Variants in KCNJ6 observed in about 807,000 individuals in gnomAD.
KCNJ6 encodes G protein-activated inward rectifier potassium channel 2.
In KCNJ6, 9 loss-of-function variants were observed where a neutral mutation model predicts 34.2. The ratio of observed to expected loss-of-function variants is 0.26; its 90% CI spans 0.16 to 0.46. The LOEUF is 0.46. Ranked by LOEUF, KCNJ6 falls within the 20% of genes least tolerant of loss-of-function variation. KCNJ6 has a pLI of 1.00. For missense variants in KCNJ6, 236 were observed against 531.3 expected (o/e 0.44, Z 5.46); for synonymous variants, 196 against 207.1 (o/e 0.95, Z 0.46).
intron 2 of KCNJ6, among the ~76,000 whole-genome samples, chr21:37,730,616 CTG>C (rs1406220618): frequency 6.6e-6 from 1 of 152,198 alleles, no homozygotes; most frequent in Non-Finnish European, 1.5e-5. Flanking sequence ...GTCCTGGAAA[CTG>C]TGGGAAATCC....
intron 3 of KCNJ6, among the ~76,000 whole-genome samples, chr21:37,659,099 A>T (rs2054476926): frequency 1.3e-5 from 2 of 152,362 alleles, no homozygotes; most frequent in East Asian, 1.9e-4. Context: ...GTTGCTAAGA[A>T]CTTACTGCAC....
At chr21:37,717,426 G>A (rs1366433312) in intron 2 of KCNJ6, among the ~76,000 whole-genome samples, 2 of 151,796 alleles carry the variant, frequency 1.3e-5, no homozygotes, top group Non-Finnish European at 2.9e-5. Flanking sequence ...CTGGAGATGG[G>A]GTGGGTGTAT....
At chr21:37,734,102 C>T (rs1385340567) in intron 2 of KCNJ6, among the ~76,000 whole-genome samples, 1 of 152,062 alleles carries the variant, frequency 6.6e-6, no homozygotes, top group Non-Finnish European at 1.5e-5. Flanking sequence ...TGTTGTGTAC[C>T]CTGAGGCTTT....
chr21:37,667,989 A>T (rs1325856702), intron 3 of KCNJ6, among the ~76,000 whole-genome samples: 6 of 151,988 alleles, frequency 3.9e-5, no homozygotes, highest in Non-Finnish European at 7.4e-5. Context: ...CCTGGGCTTT[A>T]CTCCACAATT....
intron 2 of KCNJ6, among the ~76,000 whole-genome samples, chr21:37,744,451 C>T (rs2054957063): frequency 6.6e-6 from 1 of 152,092 alleles, no homozygotes; most frequent in African/African-American, 2.4e-5. Flanking sequence ...CAGAGAAAAG[C>T]TCAGGTTAGG....
chr21:37,675,865 CGGGGGT>C lies in KCNJ6; in HGVS notation c.946+38340_946+38345del, dbSNP rs202060358. On this transcript the variant is annotated intron_variant, in intron 3 of 3. Coordinates refer to ENST00000609713, the MANE Select transcript of KCNJ6 (RefSeq NM_002240.5). The surrounding 1 kb of genome is among the most constrained non-coding windows in gnomAD (Gnocchi z 4.2). ...CCCTGACCCCAACCCATGTCAATAG[CGGGGGT>C]GGGGGTGGGGGTGGGGGTGGGGTGC... Among the ~76,000 whole-genome samples, 118 of 141,698 alleles carry C rather than the reference CGGGGGT, an allele frequency of 8.3e-4. No homozygotes were observed. The highest frequency in any genetic ancestry group is 2.0e-3 in the African/African-American group (78 of 39,882). The allele number at this position is 141,698 out of a possible 152,430, so 93.0% of individuals were successfully genotyped here.
chr21:37,632,535 AAAAC>A (rs1434104443), intron 3 of KCNJ6, among the ~76,000 whole-genome samples: 1 of 152,174 alleles, frequency 6.6e-6, no homozygotes, highest in Non-Finnish European at 1.5e-5. Context: ...AATAAAATAT[AAAAC>A]AAGTCAACCA....
At chr21:37,914,005 C>CGGGG (rs1344892661) in intron 1 of KCNJ6, among the ~76,000 whole-genome samples, 1 of 78,438 alleles carries the variant, frequency 1.3e-5, no homozygotes, top group Non-Finnish European at 2.7e-5. Context: ...AGAGGCGGAT[C>CGGGG]GGGGTGTGTG....
At chr21:37,869,956 T>C (rs2055641968) in intron 1 of KCNJ6, among the ~76,000 whole-genome samples, 1 of 152,076 alleles carries the variant, frequency 6.6e-6, no homozygotes, top group Non-Finnish European at 1.5e-5. Flanking sequence ...TAGTAGGAAG[T>C]GAAAAGCAAA....
At position 37,756,448 on chromosome 21, in the gene KCNJ6, C is replaced by T. The variant is rs189456820; in HGVS notation, c.26-41317G>A. Among the ~76,000 whole-genome samples, 34 of 152,306 alleles carry T rather than the reference C, an allele frequency of 2.2e-4. No individual in the cohort carries two copies. In the East Asian group the frequency reaches 6.0e-3, roughly 27 times the overall value. On this transcript the variant is annotated intron_variant, in intron 2 of 3. Transcript: ENST00000609713. ...CAGGGGACGTGCGTGGAAACAGAGG[C>T]GCAGTCTGGGTGAGGGGTCCAACCC...
At chr21:37,762,545 T>C (rs1318487738) in intron 2 of KCNJ6, among the ~76,000 whole-genome samples, 2 of 152,222 alleles carry the variant, frequency 1.3e-5, no homozygotes, top group African/African-American at 2.4e-5. Flanking sequence ...AGAGCCCGTT[T>C]CTTTTTTCGG....
chr21:37,889,206 T>G (rs1044449281), intron 1 of KCNJ6, among the ~76,000 whole-genome samples: 2 of 152,148 alleles, frequency 1.3e-5, no homozygotes, highest in African/African-American at 4.8e-5. Context: ...GTGAGCTAAG[T>G]GGAGTTCAGG....
chr21:37,628,589 A>G (rs1198379950), intron 3 of KCNJ6, among the ~76,000 whole-genome samples: 1 of 152,156 alleles, frequency 6.6e-6, no homozygotes, highest in East Asian at 1.9e-4. Flanking sequence ...CTCCAGAAGG[A>G]GAGTATAAAG....
chr21:37,855,955 C>T (rs978529560), intron 1 of KCNJ6, among the ~76,000 whole-genome samples: 9 of 152,330 alleles, frequency 5.9e-5, no homozygotes, highest in Middle Eastern at 3.4e-3. Context: ...TTCAGCCTCC[C>T]TGTCCCAGAG....
intron 1 of KCNJ6, among the ~76,000 whole-genome samples, chr21:37,908,013 G>A (rs1218147291): frequency 1.3e-5 from 2 of 152,196 alleles, no homozygotes; most frequent in Non-Finnish European, 2.9e-5. Flanking sequence ...ATTTGAAGAG[G>A]TCAAGAGTTT....
rs913508414 is a variant in KCNJ6, at chr21:37,620,122, G to A, written c.*5037C>T. The A allele has an allele frequency of 6.6e-6, 1 of 152,050 alleles. No homozygotes were observed. Among genetic ancestry groups the A allele is most frequent in the African/African-American group, 2.4e-5 (1 of 41,366 alleles). The allele number at this position is 152,050 out of a possible 1,614,324, so 9.4% of individuals were successfully genotyped here. A position where few individuals can be genotyped will look rare whatever the true frequency, so the allele number is the denominator to read the frequency against. On this transcript the variant is annotated 3_prime_UTR_variant, in exon 4 of 4. Coordinates refer to ENST00000609713, the MANE Select transcript of KCNJ6 (RefSeq NM_002240.5). ...AAAGTCATTCTTCTATATTGCCTAG[G>A]ACTCTCTTAAGAGTACAGTACAATA... is the stretch of plus-strand genomic sequence containing the variant.
intron 1 of KCNJ6, among the ~76,000 whole-genome samples, chr21:37,851,481 T>C (rs573766932): frequency 1.0e-3 from 154 of 152,294 alleles, no homozygotes; most frequent in African/African-American, 3.6e-3. Context: ...CTGAGGAAAA[T>C]TTACAGATGG....
rs989629166 is a variant in KCNJ6 at position 37,840,211 on chromosome 21, T to A, written c.25+447A>T. 1.4e-3 allele frequency among the ~76,000 whole-genome samples: 211 copies of A among 152,354 alleles called. 1 individual carries two copies. The highest frequency in any genetic ancestry group is 4.8e-3 in the African/African-American group (199 of 41,588). On this transcript the variant is annotated intron_variant, in intron 2 of 3. Transcript: ENST00000609713. Reference sequence around the variant, plus strand: ...GCTATTTATACTGCAAGCACTCCATTTTTTAATAGTTCTGTCTGAAATTTC... The same window carrying A: ...GCTATTTATACTGCAAGCACTCCATATTTTAATAGTTCTGTCTGAAATTTC...
chr21:37,824,719 G>T (rs2055390561), intron 2 of KCNJ6, among the ~76,000 whole-genome samples: 1 of 152,178 alleles, frequency 6.6e-6, no homozygotes. Flanking sequence ...AGACGTGCTT[G>T]CTTCTCCTTT....
Sources: allele counts gnomAD v4.1 joint callset (sites outside exome capture counted in the v4.1 genomes callset), GRCh38; gene constraint gnomAD v4.1.1; non-coding constraint Gnocchi (gnomAD v3.1); transcripts MANE v1.5; gene names NCBI Gene and HGNC (gene_info 2026-07-23, HGNC 2026-07-21).